RADIL: variants seen among roughly 807,000 people sequenced by gnomAD.
The protein encoded by RADIL is ras-associating and dilute domain-containing protein.
RADIL carries 99 observed loss-of-function variants against 97.6 expected under a neutral mutation model. The observed-to-expected ratio is 1.01, with a 90% CI of 0.86 to 1.20. The LOEUF (loss-of-function observed/expected upper bound fraction) is 1.20, where lower values mean the gene tolerates loss of function less well. RADIL is among the 50% of genes most tolerant of loss of function. The pLI, the probability that RADIL is intolerant of heterozygous loss-of-function variation, is 0.00. For synonymous variants in RADIL, 803 were observed against 691.8 expected (o/e 1.16, Z -2.52); for missense variants, 1,765 against 1,498.9 (o/e 1.18, Z -2.93).
chr7:4,876,827 G>A (rs941983268), intron 2 of RADIL, among the ~76,000 whole-genome samples: 33 of 152,158 alleles, frequency 2.2e-4, no homozygotes, highest in African/African-American at 5.3e-4. Context: ...ACAGACCCGC[G>A]GTACGCTGAG....
intron 9 of RADIL, chr7:4,809,720 T>C (rs1212172237): frequency 1.2e-6 from 1 of 838,026 alleles, no homozygotes; most frequent in African/African-American, 1.8e-5. Flanking sequence ...TTTCGCTCTG[T>C]CGCCCAGGCC....
chr7:4,850,111 G>A (rs1783671307), intron 2 of RADIL, among the ~76,000 whole-genome samples: 1 of 151,060 alleles, frequency 6.6e-6, no homozygotes, highest in African/African-American at 2.4e-5. Context: ...TTTCCAGAGA[G>A]GATCTGGTAT....
At chr7:4,806,496 G>A (rs971450595) in intron 9 of RADIL, among the ~76,000 whole-genome samples, 7 of 152,096 alleles carry the variant, frequency 4.6e-5, no homozygotes, top group South Asian at 2.1e-4. Flanking sequence ...CCAGGAAAAC[G>A]TTTTAGGCAA....
chr7:4,882,336 TG>T, intron 1 of RADIL: 1 of 152,420 alleles, frequency 6.6e-6, no homozygotes, highest in South Asian at 2.1e-4. Flanking sequence ...TCTGTTTTTC[TG>T]GAAGTGCGAC....
chr7:4,805,932 C>T, intron 9 of RADIL: 1 of 985,390 alleles, frequency 1.0e-6, no homozygotes, highest in Non-Finnish European at 1.2e-6. Flanking sequence ...CCGGCCAGTG[C>T]CATCGGGAAC....
rs560380721 is a variant in RADIL at position 4,814,410 on chromosome 7, G to A, written c.2139+868C>T. ...CTCGGCTCACTGCAACCTCTGCCTC[G>A]CGGGTTCAAGCGATTCGCCCTGTGG... On this transcript the variant is annotated intron_variant, in intron 9 of 14. Coordinates refer to ENST00000399583, the MANE Select transcript of RADIL (RefSeq NM_018059.5). The surrounding 1 kb of genome is among the most constrained non-coding windows in gnomAD (Gnocchi z 4.5). 9.9e-4 allele frequency among the ~76,000 whole-genome samples: 150 copies of A among 152,124 alleles called. No homozygotes were observed. The highest frequency in any genetic ancestry group is 3.3e-3 in the African/African-American group (135 of 41,488).
chr7:4,876,768 G>A (rs1440708132), intron 2 of RADIL, among the ~76,000 whole-genome samples: 1 of 152,188 alleles, frequency 6.6e-6, no homozygotes, highest in African/African-American at 2.4e-5. Context: ...ATGATCGGCT[G>A]CCCGTGGCCA....
intron 13 of RADIL, 58 bp from the exon 14 acceptor site, chr7:4,799,827 G>T: frequency 6.9e-7 from 1 of 1,445,338 alleles, no homozygotes; most frequent in South Asian, 1.4e-5. Context: ...CCCCAGCGAG[G>T]ACCACTGCAG....
chr7:4,799,387 G>C lies in RADIL; in HGVS notation c.3219C>G (p.Pro1073=). 1.2e-6 allele frequency: 2 copies of C among 1,613,720 alleles called. No homozygotes were observed. Among genetic ancestry groups the C allele is most frequent in the Non-Finnish European group, 1.7e-6 (2 of 1,179,974 alleles). The change falls in exon 15 of 15, where the codon CCC becomes CCG. Residue 1073 remains proline, a synonymous_variant. Coordinates refer to ENST00000399583, the MANE Select transcript of RADIL (RefSeq NM_018059.5). The stretch of plus-strand genomic sequence containing the variant: ...TGTCCTCGCAGCCCCCCTAGAGAGG[G>C]GGCGTGCGGAAATGGATCTTCTTGG... ...ETAKKIHFRT[P]PL
rs1350050507 is a variant in RADIL, at chr7:4,809,051, C to T, written c.2140-3335G>A. On this transcript the variant is annotated intron_variant, in intron 9 of 14. Transcript: ENST00000399583. ...GTCCCCTTCCGACGCCACTGCCCCC[C>T]CGTTCCAATGCCACTGCCCCTCCGC... is the stretch of plus-strand genomic sequence containing the variant. The T allele has an allele frequency of 7.5e-6, 7 of 935,800 alleles. No homozygotes were observed. In the African/African-American group the frequency reaches 1.5e-4, roughly 20 times the overall value. The allele number at this position is 935,800 out of a possible 1,614,324, so 58.0% of individuals were successfully genotyped here.
At position 4,799,646 on chromosome 7, in the gene RADIL, C is replaced by A; in HGVS notation, c.3106G>T (p.Gly1036Cys). 1 of 1,603,650 alleles carries A rather than the reference C, an allele frequency of 6.2e-7. No individual in the cohort carries two copies. Among genetic ancestry groups the A allele is most frequent in the Non-Finnish European group, 8.5e-7 (1 of 1,175,966 alleles). Reference protein sequence around the residue: ...ILEVNGSSLLGLGYLRAVDLI... With the variant: ...ILEVNGSSLLCLGYLRAVDLI... ...TGGGGGTACCTCAGGTAGCCAAGGC[C>A]CAGGAGGCTGCTGCCATTCACCTCC... Residue 1036 changes from glycine (G) to cysteine (C), a missense_variant, in exon 14 of 15, where the codon GGC (glycine) becomes TGC (cysteine). Coordinates refer to ENST00000399583, the MANE Select transcript of RADIL (RefSeq NM_018059.5).
chr7:4,845,410 C>T (rs1395110173), intron 2 of RADIL, among the ~76,000 whole-genome samples: 1 of 152,116 alleles, frequency 6.6e-6, no homozygotes, highest in Non-Finnish European at 1.5e-5. Context: ...AGAGCAAGAC[C>T]TCATCTCTAA....
intron 2 of RADIL, chr7:4,861,196 G>A (rs1160831612): frequency 3.5e-5 from 56 of 1,614,086 alleles, no homozygotes; most frequent in Non-Finnish European, 4.5e-5. Context: ...CGGTTACCCG[G>A]CAACCATTAA....
rs1194087851 is a variant in RADIL at position 4,813,948 on chromosome 7, T to C, written c.2139+1330A>G. 1.3e-5 allele frequency among the ~76,000 whole-genome samples: 2 copies of C among 152,186 alleles called. No homozygotes were observed. Among genetic ancestry groups the C allele is most frequent in the Non-Finnish European group, 2.9e-5 (2 of 68,030 alleles). ...GGTTGCTTCTCAGGAGTCAGATTGC[T>C]TTTTTCTTTTTTGTAGAGATGGGGT... On this transcript the variant is annotated intron_variant, in intron 9 of 14. Transcript: ENST00000399583. The surrounding 1 kb of genome is among the most constrained non-coding windows in gnomAD (Gnocchi z 5.0).
At position 4,813,141 on chromosome 7, in the gene RADIL, T is replaced by G. The variant is rs1440413628; in HGVS notation, c.2139+2137A>C. 1.3e-5 allele frequency among the ~76,000 whole-genome samples: 2 copies of G among 151,736 alleles called. No individual in the cohort carries two copies. Among genetic ancestry groups the G allele is most frequent in the African/African-American group, 2.4e-5 (1 of 41,248 alleles). On this transcript the variant is annotated intron_variant, in intron 9 of 14. Coordinates refer to ENST00000399583, the MANE Select transcript of RADIL (RefSeq NM_018059.5). The surrounding 1 kb of genome is among the most constrained non-coding windows in gnomAD (Gnocchi z 5.0). ...TCTTTTCTTTCTTTCATAGTTGAGG[T>G]CTTCCTCTGTTGCCCAGGCTGGAGT...
intron 9 of RADIL, chr7:4,808,654 C>G (rs1029366168): frequency 2.1e-6 from 2 of 951,862 alleles, no homozygotes; most frequent in African/African-American, 3.5e-5. Context: ...ACGCCACTGC[C>G]CCTCCGCGTC....
At chr7:4,874,395 C>T (rs778589690) in intron 2 of RADIL, among the ~76,000 whole-genome samples, 4 of 152,242 alleles carry the variant, frequency 2.6e-5, no homozygotes, top group East Asian at 3.9e-4. Context: ...AGCCTTCCCC[C>T]GGCTCCAGGC....
intron 2 of RADIL, among the ~76,000 whole-genome samples, chr7:4,875,283 T>C (rs370302879): frequency 0.018 from 2,715 of 147,184 alleles, 158 homozygotes; most frequent in African/African-American, 0.068. Flanking sequence ...ATCCCAGCTA[T>C]TCAGGAGGCT....
chr7:4,799,730 G>A lies in RADIL; in HGVS notation c.3022C>T (p.Leu1008=). 6.4e-7 allele frequency: 1 copy of A among 1,561,060 alleles called. No homozygotes were observed. The highest frequency in any genetic ancestry group is 8.6e-7 in the Non-Finnish European group (1 of 1,156,798). The part of the protein sequence containing the change: ...LGAPGLYIQT[L]LPGSPAAADG... ...GCCGCTGCGGGGCTGCCCGGGAGCA[G>A]GGTCTGGATGTAGAGCCCGGGGGCG... is the stretch of plus-strand genomic sequence containing the variant. Residue 1008 remains leucine (L), a synonymous_variant, in exon 14 of 15, where the codon CTG becomes TTG. Coordinates refer to ENST00000399583, the MANE Select transcript of RADIL (RefSeq NM_018059.5).
Sources: allele counts gnomAD v4.1 joint callset (sites outside exome capture counted in the v4.1 genomes callset), GRCh38; gene constraint gnomAD v4.1.1; non-coding constraint Gnocchi (gnomAD v3.1); transcripts MANE v1.5; gene names NCBI Gene and HGNC (gene_info 2026-07-23, HGNC 2026-07-21).